Variants in EXTL3 observed in about 807,000 individuals in gnomAD.
EXTL3 encodes exostosin like glycosyltransferase 3.
EXTL3 carries 27 observed loss-of-function variants against 69.3 expected under a neutral mutation model. The observed-to-expected ratio is 0.39, with a 90% CI of 0.29 to 0.54. EXTL3 has a LOEUF of 0.54. Among genes scored for constraint, EXTL3 ranks in the 20% least tolerant of loss-of-function variants. The pLI is 0.69. For missense variants in EXTL3, 1,003 were observed against 1,231.8 expected (o/e 0.81, Z 2.78); for synonymous variants, 511 against 499.4 (o/e 1.02, Z -0.31).
chr8:28,677,395 C>A (rs1238012939), intron 1 of EXTL3, among the ~76,000 whole-genome samples: 1 of 152,100 alleles, frequency 6.6e-6, no homozygotes, highest in African/African-American at 2.4e-5. Flanking sequence ...CAAAATACTC[C>A]CAGGGCTGTA....
chr8:28,655,985 G>A (rs1256785586), intron 1 of EXTL3, among the ~76,000 whole-genome samples: 1 of 152,146 alleles, frequency 6.6e-6, no homozygotes, highest in Non-Finnish European at 1.5e-5. Flanking sequence ...TGATGGGTGG[G>A]TGAGAAAGAG....
At chr8:28,617,694 G>T (rs889945166) in intron 2 of EXTL3, among the ~76,000 whole-genome samples, 1 of 152,176 alleles carries the variant, frequency 6.6e-6, no homozygotes, top group African/African-American at 2.4e-5. Context: ...TCAGGTGGGA[G>T]AATCACTTAA....
upstream of EXTL3, chr8:28,700,622 C>G (rs1348011914): frequency 6.6e-6 from 1 of 151,916 alleles, no homozygotes. Context: ...GGTTCCCTGG[C>G]GAGGAAACCC....
intron 2 of EXTL3, among the ~76,000 whole-genome samples, chr8:28,613,847 A>ATT (rs35761066): frequency 0.21 from 30,570 of 146,644 alleles, 3,734 homozygotes; most frequent in Non-Finnish European, 0.28. Context: ...TCACAGGTGT[A>ATT]TTTTTTTTTT....
intron 2 of EXTL3, among the ~76,000 whole-genome samples, chr8:28,714,050 T>C (rs1473722188): frequency 1.3e-5 from 2 of 151,692 alleles, no homozygotes; most frequent in African/African-American, 2.4e-5. Flanking sequence ...GGGATTACAG[T>C]TGCGTGCCAC....
intron 2 of EXTL3, among the ~76,000 whole-genome samples, chr8:28,608,089 G>A (rs1453338469): frequency 2.1e-4 from 31 of 149,246 alleles, no homozygotes; most frequent in Admixed American, 1.3e-3. Flanking sequence ...CAGCCTGGGC[G>A]ACAGAGCGAG....
At chr8:28,642,891 T>G (rs1208400243) in intron 1 of EXTL3, among the ~76,000 whole-genome samples, 1 of 152,162 alleles carries the variant, frequency 6.6e-6, no homozygotes, top group Non-Finnish European at 1.5e-5. Flanking sequence ...ATGACTTTTA[T>G]ATAAATGTTG....
intron 1 of EXTL3, among the ~76,000 whole-genome samples, chr8:28,703,264 C>T (rs897582256): frequency 6.6e-6 from 1 of 152,164 alleles, no homozygotes; most frequent in South Asian, 2.1e-4. Flanking sequence ...AAATGATTGA[C>T]AGGCGTATGT....
downstream of EXTL3, among the ~76,000 whole-genome samples, chr8:28,756,417 G>A (rs772391170): frequency 1.3e-5 from 2 of 152,136 alleles, no homozygotes; most frequent in Non-Finnish European, 2.9e-5. Context: ...TGCATCCATC[G>A]TTGCTGAATA....
chr8:28,689,240 A>G (rs1233993064), intron 1 of EXTL3, among the ~76,000 whole-genome samples: 2 of 152,200 alleles, frequency 1.3e-5, no homozygotes, highest in Admixed American at 1.3e-4. Flanking sequence ...CTGAAGGCTT[A>G]GGGGATTTTA....
intron 1 of EXTL3, among the ~76,000 whole-genome samples, chr8:28,664,078 C>T (rs1464364922): frequency 2.6e-5 from 4 of 152,232 alleles, no homozygotes; most frequent in Non-Finnish European, 4.4e-5. Context: ...TTGGTGAAGA[C>T]ACAGTTGACA....
At position 28,729,549 on chromosome 8, in the gene EXTL3, T is replaced by C. The variant is rs189123466; in HGVS notation, c.2149-1674T>C. On this transcript the variant is annotated intron_variant, in intron 3 of 6. Transcript: ENST00000220562. ...GGGCAGAGGCTGCAGTGAGCCAAGA[T>C]TGCGCGACTGCACTCCAGCCTGGGT... is the stretch of plus-strand genomic sequence containing the variant. Among the ~76,000 whole-genome samples the C allele has an allele frequency of 8.7e-3, 1,140 of 131,570 alleles. 5 individuals are homozygous for C. Among genetic ancestry groups the C allele is most frequent in the Middle Eastern group, 0.033 (6 of 184 alleles). The allele number at this position is 131,570 out of a possible 152,430, so 86.3% of individuals were successfully genotyped here.
At position 28,717,368 on chromosome 8, in the gene EXTL3, G is replaced by A. The variant is rs368469541; in HGVS notation, c.1309G>A (p.Gly437Arg). 1.2e-5 allele frequency: 20 copies of A among 1,614,038 alleles called. No individual in the cohort carries two copies. Among genetic ancestry groups the A allele is most frequent in the Non-Finnish European group, 1.6e-5 (19 of 1,180,038 alleles). ...CACCTTCGCCCTCATCATTACCCCCGGGGACCCTCGCTTGGTTATTTCCTC... is the reference window on the plus strand; with the variant it reads ...CACCTTCGCCCTCATCATTACCCCCAGGGACCCTCGCTTGGTTATTTCCTC... ...LSTFALIITP[G>R]DPRLVISSGC... The change falls in exon 3 of 7, where the codon GGG becomes AGG. Residue 437 changes from glycine (G) to arginine (R), a missense_variant. Transcript: ENST00000220562. The surrounding 1 kb of genome is among the most constrained non-coding windows in gnomAD (Gnocchi z 8.3).
At position 28,717,932 on chromosome 8, in the gene EXTL3, T is replaced by A. The variant is rs1801200874; in HGVS notation, c.1873T>A (p.Ser625Thr). Residue 625 changes from serine to threonine, a missense_variant, in exon 3 of 7, where the codon TCA (serine) becomes ACA (threonine). Around this residue, in one of 2 missense-constraint regions of EXTL3, gnomAD observed 261 missense variants for 416.4 expected, o/e 0.63. Coordinates refer to ENST00000220562, the MANE Select transcript of EXTL3 (RefSeq NM_001440.4). This position sits in a 1 kb window ranked among gnomAD's most constrained non-coding sequence, Gnocchi z 8.3. ...CACTCCCTTTGACCCTGTGTTGCCC[T>A]CAGAGGCCAAATTCTTGGGCTCAGG... The part of the protein sequence containing the change: ...PHTPFDPVLP[S>T]EAKFLGSGTG... The A allele has an allele frequency of 6.2e-7, 1 of 1,614,128 alleles. No homozygotes were observed. The highest frequency in any genetic ancestry group is 8.5e-7 in the Non-Finnish European group (1 of 1,180,062).
chr8:28,626,750 G>A (rs1434352713), intron 1 of EXTL3, among the ~76,000 whole-genome samples: 2 of 152,132 alleles, frequency 1.3e-5, no homozygotes, highest in East Asian at 3.9e-4. Flanking sequence ...TTCATACAGG[G>A]CTCATTCTGA....
At position 28,754,403 on chromosome 8, in the gene EXTL3, G is replaced by T. The variant is rs537300362; in HGVS notation, c.*3537G>T. 2 of 152,262 alleles carry T rather than the reference G, an allele frequency of 1.3e-5. No individual in the cohort carries two copies. Among genetic ancestry groups the T allele is most frequent in the Non-Finnish European group, 2.9e-5 (2 of 68,154 alleles). The allele number at this position is 152,262 out of a possible 1,614,324, so 9.4% of individuals were successfully genotyped here. On this transcript the variant is annotated 3_prime_UTR_variant, in exon 7 of 7. Transcript: ENST00000220562. ...GTCACACTGACAGTCCTAAGAATGG[G>T]TGAGACTTAACAGTCGGTGTCCCTC...
intron 2 of EXTL3, among the ~76,000 whole-genome samples, chr8:28,610,761 T>TA (rs1806260996): frequency 7.3e-6 from 1 of 136,430 alleles, no homozygotes; most frequent in South Asian, 2.3e-4. Context: ...TTTTTTTTTT[T>TA]AGATGGAGTC....
chr8:28,617,745 G>A (rs1417850344), upstream of EXTL3, among the ~76,000 whole-genome samples: 2 of 152,124 alleles, frequency 1.3e-5, no homozygotes, highest in Non-Finnish European at 2.9e-5. Context: ...GTGCCACTGC[G>A]CTCCAGACTG....
At chr8:28,710,898 A>G (rs1279454261) in intron 1 of EXTL3, among the ~76,000 whole-genome samples, 2 of 152,130 alleles carry the variant, frequency 1.3e-5, no homozygotes, top group Non-Finnish European at 2.9e-5. Context: ...TGCTAGGTTT[A>G]TAAAATGAAC....
Sources: gnomAD v4.1 joint callset for allele counts (sites outside exome capture counted in the v4.1 genomes callset) on GRCh38, gnomAD v4.1.1 for gene constraint, gnomAD v4.1.1 regional missense constraint, Gnocchi (gnomAD v3.1) non-coding constraint, MANE v1.5 for transcripts, NCBI Gene and HGNC (gene_info 2026-07-23, HGNC 2026-07-21) for gene names.